The following CSMD1 variants were observed in gnomAD, a reference collection of about 807,000 sequenced individuals.
The protein encoded by CSMD1 is CUB and Sushi multiple domains 1.
CSMD1 carries 213 observed loss-of-function variants against 417.5 expected under a neutral mutation model. The ratio of observed to expected loss-of-function variants is 0.51; its 90% CI spans 0.46 to 0.57. CSMD1 has a LOEUF of 0.57. CSMD1 is among the 20% of genes least tolerant of loss of function. The pLI is 0.00. For missense variants in CSMD1, 6,923 were observed against 4,529.7 expected, an observed-to-expected ratio of 1.53 and a Z score of -15.17; for synonymous variants, 2,862 against 1,736.8, an observed-to-expected ratio of 1.65 and a Z score of -16.11.
At chr8:4,456,657 C>G (rs376892780) in intron 2 of CSMD1, among the ~76,000 whole-genome samples, 5 of 152,102 alleles carry the variant, frequency 3.3e-5, no homozygotes, top group African/African-American at 1.2e-4. Context: ...GAGAGACCCT[C>G]CAACCAATCA....
chr8:4,466,262 G>A (rs1441972224), intron 2 of CSMD1, among the ~76,000 whole-genome samples: 1 of 152,016 alleles, frequency 6.6e-6, no homozygotes, highest in Non-Finnish European at 1.5e-5. Flanking sequence ...ACAGATCAGT[G>A]GAAGAATAAG....
intron 5 of CSMD1, among the ~76,000 whole-genome samples, chr8:3,927,308 T>C (rs182845737): frequency 2.6e-4 from 39 of 151,918 alleles, no homozygotes; most frequent in Middle Eastern, 3.4e-3. Context: ...AGCATGAAAA[T>C]TATTCTGACT....
intron 5 of CSMD1, among the ~76,000 whole-genome samples, chr8:3,757,711 T>C (rs1015741520): frequency 1.3e-5 from 2 of 151,976 alleles, no homozygotes; most frequent in African/African-American, 4.8e-5. Flanking sequence ...TAGCTGGGCA[T>C]GGTGGCAGGC....
chr8:4,579,664 A>C (rs1423320724), intron 2 of CSMD1, among the ~76,000 whole-genome samples: 1 of 152,066 alleles, frequency 6.6e-6, no homozygotes, highest in Non-Finnish European at 1.5e-5. Context: ...GCCCGGCCTT[A>C]AACCTATATT....
chr8:4,094,723 G>T (rs1460847337), intron 3 of CSMD1, among the ~76,000 whole-genome samples: 2 of 152,174 alleles, frequency 1.3e-5, no homozygotes, highest in African/African-American at 2.4e-5. Flanking sequence ...GGGCAGTGGG[G>T]AGCCTCCTTC....
Position 4,363,854 on chromosome 8 carries a change from A to C in CSMD1, c.415+56099T>G, listed in dbSNP as rs1801916565. 1.3e-5 allele frequency among the ~76,000 whole-genome samples: 2 copies of C among 152,210 alleles called. 1 individual carries two copies. ...ATTTGTGGGATCTGAAAATCAAAAC[A>C]ATAGAACTCATGGACATAGAGAGTA... On this transcript the variant is annotated intron_variant, in intron 3 of 69. Coordinates refer to ENST00000635120, the MANE Select transcript of CSMD1 (RefSeq NM_033225.6).
chr8:4,170,389 C>G (rs1170722575), intron 3 of CSMD1, among the ~76,000 whole-genome samples: 1 of 151,876 alleles, frequency 6.6e-6, no homozygotes, highest in Non-Finnish European at 1.5e-5. Flanking sequence ...AATTCAAGAG[C>G]CACCTGTGAA....
intron 26 of CSMD1, among the ~76,000 whole-genome samples, chr8:3,241,595 G>T (rs1332971390): frequency 6.6e-6 from 1 of 152,188 alleles, no homozygotes; most frequent in African/African-American, 2.4e-5. Context: ...TTTCAGTGGG[G>T]TCCTGCACAG....
intron 26 of CSMD1, among the ~76,000 whole-genome samples, chr8:3,275,732 G>T (rs1802234282): frequency 2.0e-5 from 3 of 152,104 alleles, no homozygotes; most frequent in Admixed American, 1.3e-4. Context: ...GGCTCCTGAG[G>T]CTTCTGCATT....
intron 1 of CSMD1, among the ~76,000 whole-genome samples, chr8:4,789,764 T>G (rs1328059806): frequency 6.6e-6 from 1 of 150,552 alleles, no homozygotes; most frequent in Non-Finnish European, 1.5e-5. Flanking sequence ...TAGTAAATTT[T>G]TTAAGTTATC....
At chr8:3,234,015 G>A (rs1335597025) in intron 26 of CSMD1, among the ~76,000 whole-genome samples, 1 of 152,142 alleles carries the variant, frequency 6.6e-6, no homozygotes, top group African/African-American at 2.4e-5. Flanking sequence ...CCCACTCTGT[G>A]AGTAGAACAC....
At chr8:4,862,172 A>T (rs543145694) in intron 1 of CSMD1, among the ~76,000 whole-genome samples, 14 of 151,900 alleles carry the variant, frequency 9.2e-5, no homozygotes, top group Non-Finnish European at 1.8e-4. Flanking sequence ...CTGAGGTGGG[A>T]GTGGTTTATT....
chr8:4,494,755 G>C (rs1459251925), intron 2 of CSMD1, among the ~76,000 whole-genome samples: 1 of 151,968 alleles, frequency 6.6e-6, no homozygotes, highest in Non-Finnish European at 1.5e-5. Context: ...TTGTCTTGTT[G>C]ATTACCTATT....
chr8:4,104,849 C>G (rs960897098), intron 3 of CSMD1, among the ~76,000 whole-genome samples: 7 of 152,160 alleles, frequency 4.6e-5, no homozygotes, highest in Non-Finnish European at 8.8e-5. Flanking sequence ...CCTCTGAGTG[C>G]TTAGCCTTAC....
At chr8:4,050,510 T>C (rs574457994) in intron 3 of CSMD1, among the ~76,000 whole-genome samples, 1 of 152,196 alleles carries the variant, frequency 6.6e-6, no homozygotes, top group Non-Finnish European at 1.5e-5. Context: ...TGGGGGTATG[T>C]ATCATCCTGG....
chr8:3,340,025 G>A (rs10503202), intron 23 of CSMD1, among the ~76,000 whole-genome samples: 2,344 of 152,210 alleles, frequency 0.015, 69 homozygotes, highest in African/African-American at 0.053. Flanking sequence ...ATTCCGATTT[G>A]GCCCAAAGAT....
At position 4,213,886 on chromosome 8, in the gene CSMD1, A is replaced by G. The variant is rs1218244208; in HGVS notation, c.416-181787T>C. Among the ~76,000 whole-genome samples, 4 of 152,234 alleles carry G rather than the reference A, an allele frequency of 2.6e-5. No individual in the cohort carries two copies. In the East Asian group the frequency reaches 5.8e-4, roughly 22 times the overall value. The stretch of plus-strand genomic sequence containing the variant: ...TCAGATGAGGTGAAGGTGAGGTCCT[A>G]CAGATACTAATGAATGAATGGAGGG... On this transcript the variant is annotated intron_variant, in intron 3 of 69. Transcript: ENST00000635120.
chr8:4,183,650 C>T (rs1020014051), intron 3 of CSMD1, among the ~76,000 whole-genome samples: 4 of 152,034 alleles, frequency 2.6e-5, no homozygotes, highest in South Asian at 2.1e-4. Flanking sequence ...TTTTAAGTTT[C>T]CTTACAAATA....
chr8:3,460,699 C>G (rs1473696381), intron 12 of CSMD1, among the ~76,000 whole-genome samples: 1 of 152,148 alleles, frequency 6.6e-6, no homozygotes, highest in Non-Finnish European at 1.5e-5. Flanking sequence ...TCATAAACCA[C>G]CAATGTCGCT....
Sources: allele counts gnomAD v4.1 joint callset (sites outside exome capture counted in the v4.1 genomes callset), GRCh38; gene constraint gnomAD v4.1.1; transcripts MANE v1.5; gene names NCBI Gene and HGNC (gene_info 2026-07-23, HGNC 2026-07-21).